The following ZBTB20 variants were observed in gnomAD, a reference collection of about 807,000 sequenced individuals.
ZBTB20 encodes the protein zinc finger and BTB domain containing 20.
A neutral mutation model predicts 56.9 loss-of-function variants in ZBTB20; 9 were observed. That is an observed-to-expected ratio of 0.16 (90% CI 0.10 to 0.28). The LOEUF is 0.28. ZBTB20 is among the 10% of genes least tolerant of loss of function. The pLI is 1.00. For missense variants in ZBTB20, 655 were observed against 1,003.0 expected, an observed-to-expected ratio of 0.65 and a Z score of 4.69; for synonymous variants, 417 against 420.7, an observed-to-expected ratio of 0.99 and a Z score of 0.11.
chr3:114,687,652 G>C (rs2062427407), intron 6 of ZBTB20: 1 of 150,778 alleles, frequency 6.6e-6, no homozygotes, highest in African/African-American at 2.4e-5. Context: ...GTTCATGTTT[G>C]CCTGTCACAT....
chr3:114,417,019 C>T (rs1341439906), intron 7 of ZBTB20, among the ~76,000 whole-genome samples: 1 of 151,998 alleles, frequency 6.6e-6, no homozygotes, highest in Non-Finnish European at 1.5e-5. Context: ...TATTTTCTTA[C>T]CAAATACAGA....
Position 114,350,933 on chromosome 3 carries a change from G to C in ZBTB20, c.1145C>G (p.Ser382Cys), listed in dbSNP as rs201302805. 2 of 1,605,964 alleles carry C rather than the reference G, an allele frequency of 1.2e-6. No homozygotes were observed. Among genetic ancestry groups the C allele is most frequent in the Admixed American group, 1.7e-5 (1 of 59,978 alleles). ...GESFDSGVSS[S>C]IGTEPDSVEQ... ...CACCGAGTCAGGCTCGGTGCCTATG[G>C]AGGAGCTGACGCCCGAGTCGAAGCT... is the stretch of plus-strand genomic sequence containing the variant. Residue 382 changes from serine to cysteine, a missense_variant, in exon 11 of 12, where the codon TCC becomes TGC. Physicochemically the swap from Ser to Cys is moderately radical, Grantham distance 112 (BLOSUM62 -1). Coordinates refer to ENST00000675478, the MANE Select transcript of ZBTB20 (RefSeq NM_001348800.3).
chr3:115,075,439 G>A (rs559369945), intron 1 of ZBTB20, among the ~76,000 whole-genome samples: 1 of 152,212 alleles, frequency 6.6e-6, no homozygotes, highest in African/African-American at 2.4e-5. Context: ...TTTTAGCCAT[G>A]TTGTCTCATT....
chr3:115,110,763 T>C (rs1018524146), intron 1 of ZBTB20, among the ~76,000 whole-genome samples: 3 of 151,948 alleles, frequency 2.0e-5, no homozygotes, highest in Middle Eastern at 3.2e-3. Context: ...CCAAGGCAGG[T>C]GGATCACCTA....
intron 7 of ZBTB20, among the ~76,000 whole-genome samples, chr3:114,420,209 A>G (rs748766135): frequency 4.6e-5 from 7 of 152,232 alleles, no homozygotes; most frequent in Non-Finnish European, 8.8e-5. Flanking sequence ...ATCTCTATAG[A>G]TAGATATGGG....
chr3:115,101,713 A>G (rs1420584516), intron 1 of ZBTB20, among the ~76,000 whole-genome samples: 2 of 152,232 alleles, frequency 1.3e-5, no homozygotes, highest in East Asian at 3.8e-4. Flanking sequence ...AATAAAAAAT[A>G]TAAGTGCATT....
chr3:114,396,747 T>C (rs1055463800), intron 7 of ZBTB20, among the ~76,000 whole-genome samples: 7 of 152,312 alleles, frequency 4.6e-5, no homozygotes, highest in African/African-American at 1.7e-4. Context: ...GGCTCTCTCA[T>C]GTCTTCTTGA....
At chr3:114,705,108 A>C (rs1377034561) in intron 5 of ZBTB20, among the ~76,000 whole-genome samples, 1 of 152,182 alleles carries the variant, frequency 6.6e-6, no homozygotes, top group African/African-American at 2.4e-5. Flanking sequence ...AAAAGGGCTG[A>C]GCTCCCATAA....
intron 2 of ZBTB20, among the ~76,000 whole-genome samples, chr3:114,999,094 A>G (rs572459111): frequency 9.7e-5 from 14 of 144,316 alleles, no homozygotes; most frequent in Non-Finnish European, 1.7e-4. Flanking sequence ...AGGAGCAGGG[A>G]AATGAAAGGA....
In ZBTB20 at chr3:114,913,563, G is replaced by A. The variant is rs115176132; in HGVS notation, c.-455-13221C>T. On this transcript the variant is annotated intron_variant, in intron 3 of 11. Coordinates refer to ENST00000675478, the MANE Select transcript of ZBTB20 (RefSeq NM_001348800.3). ...CTTCACTTTGTTGATGGTTTCCTTT[G>A]CTGTGCAGAAGCTTTTTAGTTTGAT... 4.7e-3 allele frequency among the ~76,000 whole-genome samples: 722 copies of A among 152,026 alleles called. 3 individuals carry two copies. The highest frequency in any genetic ancestry group is 0.025 in the South Asian group (118 of 4,814).
intron 7 of ZBTB20, among the ~76,000 whole-genome samples, chr3:114,458,213 C>G (rs1013105997): frequency 6.6e-6 from 1 of 152,112 alleles, no homozygotes; most frequent in Non-Finnish European, 1.5e-5. Flanking sequence ...AATTCCAGTT[C>G]GGATAATTAC....
intron 2 of ZBTB20, among the ~76,000 whole-genome samples, chr3:114,991,039 A>T (rs567800730): frequency 1.3e-5 from 2 of 152,102 alleles, no homozygotes; most frequent in South Asian, 4.2e-4. Context: ...AATTTTGTTG[A>T]TCTTTTCAAA....
intron 5 of ZBTB20, among the ~76,000 whole-genome samples, chr3:114,763,583 C>G (rs900316066): frequency 6.6e-6 from 1 of 151,976 alleles, no homozygotes; most frequent in African/African-American, 2.4e-5. Flanking sequence ...CCTTAAATAG[C>G]ATATATAGTA....
At chr3:114,578,987 T>C (rs1455912645) in intron 6 of ZBTB20, among the ~76,000 whole-genome samples, 4 of 151,808 alleles carry the variant, frequency 2.6e-5, no homozygotes, top group Non-Finnish European at 5.9e-5. Context: ...AGTAACAAGA[T>C]TGATACTTAA....
chr3:114,748,508 A>G (rs2108636520), intron 5 of ZBTB20, among the ~76,000 whole-genome samples: 1 of 152,078 alleles, frequency 6.6e-6, no homozygotes, highest in East Asian at 1.9e-4. Flanking sequence ...ACACAAATAA[A>G]GTAAAAGTAA....
intron 1 of ZBTB20, among the ~76,000 whole-genome samples, chr3:115,081,017 TA>T (rs1242039992): frequency 6.6e-6 from 1 of 152,142 alleles, no homozygotes. Flanking sequence ...TAGAAAAACT[TA>T]CTATAGGATA....
At chr3:114,981,692 A>G (rs768718532) in intron 2 of ZBTB20, among the ~76,000 whole-genome samples, 85 of 152,036 alleles carry the variant, frequency 5.6e-4, no homozygotes, top group Non-Finnish European at 2.1e-4. Flanking sequence ...CACTTTATCA[A>G]TGTGTAAACT....
At chr3:115,102,389 A>C (rs1231320606) in intron 1 of ZBTB20, among the ~76,000 whole-genome samples, 1 of 152,026 alleles carries the variant, frequency 6.6e-6, no homozygotes, top group Non-Finnish European at 1.5e-5. Flanking sequence ...CTATTGCCCT[A>C]TTGTTTCTCC....
At chr3:115,027,694 A>G (rs1360597641) in intron 2 of ZBTB20, 1 of 151,044 alleles carries the variant, frequency 6.6e-6, no homozygotes, top group Non-Finnish European at 1.5e-5. Context: ...AGAATAAGAA[A>G]TGTACTACAA....
Sources: gnomAD v4.1 joint callset for allele counts (sites outside exome capture counted in the v4.1 genomes callset) on GRCh38, gnomAD v4.1.1 for gene constraint, MANE v1.5 for transcripts, NCBI Gene and HGNC (gene_info 2026-07-23, HGNC 2026-07-21) for gene names.